Variants in CR2 observed in about 807,000 individuals in gnomAD.
CR2 encodes the protein complement C3d receptor 2, also known as complement receptor type 2.
In CR2, 96 loss-of-function variants were observed where a neutral mutation model predicts 123.0. The ratio of observed to expected loss-of-function variants is 0.78; its 90% CI spans 0.66 to 0.93. The LOEUF is 0.93. CR2 is among the 40% of genes least tolerant of loss of function. The pLI, the probability that CR2 is intolerant of heterozygous loss-of-function variation, is 0.00. For synonymous variants in CR2, 484 were observed against 469.5 expected (o/e 1.03, Z -0.40); for missense variants, 1,258 against 1,361.0 (o/e 0.92, Z 1.19).
chr1:207,468,698 TCC>T lies in CR2; in HGVS notation c.623_624del (p.Pro208HisfsTer3), dbSNP rs747832403. The T allele has an allele frequency of 1.2e-6, 2 of 1,613,902 alleles. No homozygotes were observed. The highest frequency in any genetic ancestry group is 2.2e-5 in the South Asian group (2 of 91,074). On this transcript the variant is annotated frameshift_variant, in exon 3 of 20. Transcript: ENST00000367057. LOFTEE classifies it high-confidence loss of function. ...TTGTCTTCGGGAAAATGGAGTGCTG[TCC>T]CCCCCACATGTGAAGGTACCCTAAA...
At chr1:207,484,452 A>C (rs773424647) in intron 18 of CR2, among the ~76,000 whole-genome samples, 21 of 152,234 alleles carry the variant, frequency 1.4e-4, no homozygotes, top group Admixed American at 6.5e-4. Context: ...TCTAGTGACA[A>C]TATTAAATAT....
intron 2 of CR2, among the ~76,000 whole-genome samples, chr1:207,467,130 A>G (rs1168793688): frequency 6.6e-6 from 1 of 152,226 alleles, no homozygotes; most frequent in East Asian, 1.9e-4. Flanking sequence ...AAGTACATGG[A>G]AAAATGTAAT....
rs59735642 is a variant in CR2, at chr1:207,458,059, AACACACACACACACAC to A, written c.58+3608_58+3623del. ...ACACAATTCCCTACCTCAAGGCCAC[AACACACACACACACAC>A]ACACACACACACACACACACACACT... On this transcript the variant is annotated intron_variant, in intron 1 of 19. Coordinates refer to ENST00000367057, the MANE Select transcript of CR2 (RefSeq NM_001006658.3). Among the ~76,000 whole-genome samples the A allele has an allele frequency of 1.1e-4, 13 of 122,664 alleles. No individual in the cohort carries two copies. The South Asian group carries it at 3.5e-3, about 33-fold the overall frequency. 80.5% of individuals were successfully genotyped at this position (122,664 alleles called of 152,430 possible).
rs141831783 is a variant in CR2 at position 207,468,806 on chromosome 1, G to A, written c.641G>A (p.Arg214His). ...TCTTTGGTTTGTTTTTTAGAGGCAC[G>A]CTGTAAATCTCTAGGACGATTTCCC... ...SAVPPTCEEARCKSLGRFPNG... is the reference protein window; with the variant it reads ...SAVPPTCEEAHCKSLGRFPNG... Residue 214 changes from arginine to histidine, a missense_variant, in exon 4 of 20, where the codon CGC becomes CAC. Arg to His is a conservative substitution (Grantham distance 29). Transcript: ENST00000367057. The A allele has an allele frequency of 4.0e-4, 649 of 1,613,970 alleles. No individual in the cohort carries two copies. The East Asian group carries it at 7.9e-3, about 20-fold the overall frequency.
chr1:207,468,907 T>C lies in CR2; in HGVS notation c.734+8T>C. 5.6e-6 allele frequency: 9 copies of C among 1,612,348 alleles called. No homozygotes were observed. The highest frequency in any genetic ancestry group is 6.8e-6 in the Non-Finnish European group (8 of 1,178,566). On this transcript the variant is annotated splice_region_variant and intron_variant, in intron 4 of 19. Coordinates refer to ENST00000367057, the MANE Select transcript of CR2 (RefSeq NM_001006658.3). Reference sequence around the variant, plus strand: ...CTTTTTCTGTGATGAAGGGTGAGTGTCAGGATTATTTATGAGATTTAATTC... The same window carrying C: ...CTTTTTCTGTGATGAAGGGTGAGTGCCAGGATTATTTATGAGATTTAATTC...
rs942720841 is a variant in CR2, at chr1:207,469,846, C to T, written c.969C>T (p.Leu323=). 2.5e-6 allele frequency: 4 copies of T among 1,613,880 alleles called. No individual in the cohort carries two copies. The South Asian group carries it at 3.3e-5, about 13-fold the overall frequency. ...TCATCCTTATTGGAGAGAGCACTCT[C>T]CGTTGTACAGTTGATAGTCAGAAGA... ...VNFILIGEST[L]RCTVDSQKTG... Residue 323 remains leucine (L), a synonymous_variant, in exon 6 of 20, where the codon CTC becomes CTT. Transcript: ENST00000367057.
At chr1:207,464,308 G>A (rs1658034885) in intron 1 of CR2, among the ~76,000 whole-genome samples, 1 of 152,196 alleles carries the variant, frequency 6.6e-6, no homozygotes, top group Admixed American at 6.5e-5. Context: ...CTGAGTTGCA[G>A]TTTGGATTGC....
rs896127247 is a variant in CR2 at position 207,470,201 on chromosome 1, C to T, written c.1225+99C>T. 5.2e-5 allele frequency: 70 copies of T among 1,358,074 alleles called. 1 individual carries two copies. Among genetic ancestry groups the T allele is most frequent in the South Asian group, 4.4e-4 (36 of 81,560 alleles). 84.1% of individuals were successfully genotyped at this position (1,358,074 alleles called of 1,614,324 possible). A position where few individuals can be genotyped will look rare whatever the true frequency, so the allele number is the denominator to read the frequency against. ...TAGGTAGGGCCTTGTCCAGTTTATA[C>T]TTCCCTCAAATCTACTACATCTAAT... On this transcript the variant is annotated intron_variant, in intron 6 of 19. Coordinates refer to ENST00000367057, the MANE Select transcript of CR2 (RefSeq NM_001006658.3).
chr1:207,485,379 G>A, intron 18 of CR2, 85 bp from the exon 19 acceptor site: 3 of 841,696 alleles, frequency 3.6e-6, no homozygotes, highest in Non-Finnish European at 6.1e-6. Flanking sequence ...ACCATGTGTT[G>A]GGAATTATGG....
In CR2 at chr1:207,454,463, A is replaced by C; in HGVS notation, c.45A>C (p.Ala15=). 6.4e-7 allele frequency: 1 copy of C among 1,574,598 alleles called. No individual in the cohort carries two copies. The highest frequency in any genetic ancestry group is 8.6e-7 in the Non-Finnish European group (1 of 1,166,072). Reference sequence around the variant, plus strand: ...TCGGGGTTTTCTTGGCTCTCGTCGCACCGGGGGTCCTCGGTGAGCTGGGAG... The same window carrying C: ...TCGGGGTTTTCTTGGCTCTCGTCGCCCCGGGGGTCCTCGGTGAGCTGGGAG... ...GLLGVFLALV[A]PGVLGISCGS... The change falls in exon 1 of 20, where the codon GCA becomes GCC. Residue 15 remains alanine (A), a synonymous_variant. Coordinates refer to ENST00000367057, the MANE Select transcript of CR2 (RefSeq NM_001006658.3). The surrounding 1 kb of genome is among the most constrained non-coding windows in gnomAD (Gnocchi z 4.3).
In CR2 at chr1:207,474,323, G is replaced by A; in HGVS notation, c.2323G>A (p.Val775Ile). 2.5e-6 allele frequency: 4 copies of A among 1,605,616 alleles called. 1 individual carries two copies. The South Asian group carries it at 4.4e-5, about 18-fold the overall frequency. The change falls in exon 13 of 20, where the codon GTT (valine) becomes ATT (isoleucine). Residue 775 changes from valine (V) to isoleucine (I), a missense_variant and splice_region_variant. Transcript: ENST00000367057. The part of the protein sequence containing the change: ...IWFKKIPLCK[V>I]IHCHPPPVIV... ...GTTCAAAAAGATTCCACTTTGTAAAGGTAAGTTAGAAAAAATAAAAGCCTG... is the reference window on the plus strand; with the variant it reads ...GTTCAAAAAGATTCCACTTTGTAAAAGTAAGTTAGAAAAAATAAAAGCCTG...
Position 207,471,096 on chromosome 1 carries a change from A to G in CR2, c.1493+9A>G, listed in dbSNP as rs1450257599. 5.6e-6 allele frequency: 9 copies of G among 1,613,314 alleles called. No individual in the cohort carries two copies. Among genetic ancestry groups the G allele is most frequent in the Non-Finnish European group, 7.6e-6 (9 of 1,179,656 alleles). On this transcript the variant is annotated intron_variant, in intron 8 of 19. Coordinates refer to ENST00000367057, the MANE Select transcript of CR2 (RefSeq NM_001006658.3). ...TCTTCTTGTGGTGAAGGGTGAGTGA[A>G]GGCTGACTTAGTCTGACCCAATTCC...
chr1:207,479,867 GTA>G (rs1259828667), intron 17 of CR2, 109 bp from the exon 18 acceptor site: 1 of 788,318 alleles, frequency 1.3e-6, no homozygotes, highest in Non-Finnish European at 2.3e-6. Flanking sequence ...GAAGAGTTAA[GTA>G]TGAGTCACAT....
At chr1:207,458,655 C>T (rs1657897667) in intron 1 of CR2, among the ~76,000 whole-genome samples, 1 of 152,224 alleles carries the variant, frequency 6.6e-6, no homozygotes, top group Admixed American at 6.5e-5. Context: ...GTCCTTCAGT[C>T]ACAACTTAAA....
At chr1:207,470,542 AAACAACAACAAC>A (rs747380769) in intron 6 of CR2, among the ~76,000 whole-genome samples, 186 bp from the exon 7 acceptor site, 1 of 151,952 alleles carries the variant, frequency 6.6e-6, no homozygotes, top group Non-Finnish European at 1.5e-5. Context: ...TCTGTGCAGA[AAACAACAACAAC>A]AACAACAACA....
chr1:207,468,404 C>A (rs1658163946), intron 2 of CR2, 123 bp from the exon 3 acceptor site: 2 of 921,584 alleles, frequency 2.2e-6, no homozygotes, highest in Non-Finnish European at 3.4e-6. Context: ...TTATGTGTGG[C>A]CCAAGACAAT....
rs1173937738 is a variant in CR2 at position 207,486,230 on chromosome 1, C to CAAAA, written c.*18+681_*18+684dup. On this transcript the variant is annotated intron_variant, in intron 19 of 19. Transcript: ENST00000367057. ...TGGACAACAGAGCAAGACTGCATCT[C>CAAAA]AAAAAAAAAAAAAAAAAAAAAAAAA... Among the ~76,000 whole-genome samples, 106 of 43,006 alleles carry CAAAA rather than the reference C, an allele frequency of 2.5e-3. 8 individuals carry two copies. Among genetic ancestry groups the CAAAA allele is most frequent in the African/African-American group, 8.4e-3 (101 of 12,094 alleles). The allele number at this position is 43,006 out of a possible 152,430, so 28.2% of individuals were successfully genotyped here.
At chr1:207,472,639 C>G in intron 9 of CR2, 133 bp from the exon 10 acceptor site, 1 of 844,678 alleles carries the variant, frequency 1.2e-6, no homozygotes, top group Non-Finnish European at 1.9e-6. Flanking sequence ...AGCTTTCACA[C>G]AACTCACATC....
Position 207,471,410 on chromosome 1 carries a change from ACT to A in CR2, c.1494-10_1494-9del. On this transcript the variant is annotated splice_polypyrimidine_tract_variant and intron_variant, in intron 8 of 19. Transcript: ENST00000367057. ...ACCTGATGGCAAAATGACATACGTGACTCTGTCTCTAGGTACAAGTTAAGTGG... is the reference window on the plus strand; with the variant it reads ...ACCTGATGGCAAAATGACATACGTGACTGTCTCTAGGTACAAGTTAAGTGG... The A allele has an allele frequency of 6.3e-7, 1 of 1,599,522 alleles. No individual in the cohort carries two copies.
Sources: allele counts gnomAD v4.1 joint callset (sites outside exome capture counted in the v4.1 genomes callset), GRCh38; gene constraint gnomAD v4.1.1; non-coding constraint Gnocchi (gnomAD v3.1); transcripts MANE v1.5; gene names NCBI Gene and HGNC (gene_info 2026-07-23, HGNC 2026-07-21).